Variants in PRIM2 observed in about 807,000 individuals in gnomAD.
PRIM2 encodes DNA primase large subunit.
A neutral mutation model predicts 67.3 loss-of-function variants in PRIM2; 39 were observed. The observed-to-expected ratio is 0.58, with a 90% CI of 0.45 to 0.76. The LOEUF (loss-of-function observed/expected upper bound fraction) is 0.76, where lower values mean the gene tolerates loss of function less well. PRIM2 is among the 30% of genes least tolerant of loss of function. The pLI is 0.00. For synonymous variants in PRIM2, 143 were observed against 198.7 expected (o/e 0.72, Z 2.36); for missense variants, 398 against 598.7 (o/e 0.66, Z 3.50).
chr6:57,518,026 G>A (rs1774522490), intron 8 of PRIM2, among the ~76,000 whole-genome samples: 2 of 152,056 alleles, frequency 1.3e-5, no homozygotes, highest in Admixed American at 6.6e-5. Flanking sequence ...TTTACTCAGA[G>A]TAAACACAAA....
chr6:57,633,890 A>G lies in PRIM2; in HGVS notation c.1299+1689A>G, dbSNP rs1457272813. ...CACCCACTGCTCACCTCCTGCTGTG[A>G]GGCCCAATTCCTAACGGGCCGTGGA... On this transcript the variant is annotated intron_variant, in intron 13 of 13. Transcript: ENST00000615550. Among the ~76,000 whole-genome samples, 4 of 152,330 alleles carry G rather than the reference A, an allele frequency of 2.6e-5. No individual in the cohort carries two copies. In the East Asian group the frequency reaches 7.7e-4, roughly 29 times the overall value.
chr6:57,592,606 C>T (rs1377478257), intron 10 of PRIM2, among the ~76,000 whole-genome samples: 9 of 151,982 alleles, frequency 5.9e-5, no homozygotes, highest in South Asian at 2.1e-4. Context: ...ACCAGCCTGG[C>T]CAACATGCAA....
Position 57,382,202 on chromosome 6 carries a change from G to C in PRIM2, c.693+34G>C, listed in dbSNP as rs762645396. 7 of 1,603,186 alleles carry C rather than the reference G, an allele frequency of 4.4e-6. No homozygotes were observed. The African/African-American group carries it at 8.0e-5, about 18-fold the overall frequency. Reference sequence around the variant, plus strand: ...TTTACTTGATTTCTGTATCTGACATGTTCACACTTTCAGTTATATACCCCT... The same window carrying C: ...TTTACTTGATTTCTGTATCTGACATCTTCACACTTTCAGTTATATACCCCT... On this transcript the variant is annotated intron_variant, in intron 7 of 13. Coordinates refer to ENST00000615550, the MANE Select transcript of PRIM2 (RefSeq NM_000947.5).
intron 7 of PRIM2, among the ~76,000 whole-genome samples, chr6:57,506,311 C>A (rs1554347233): frequency 4.0e-5 from 6 of 150,978 alleles, no homozygotes; most frequent in African/African-American, 1.2e-4. Flanking sequence ...AACTTTTTTT[C>A]AAAAATATAA....
At chr6:57,296,085 C>T in the PRIM2 span, among the ~76,000 whole-genome samples, 1 of 152,172 alleles carries the variant, frequency 6.6e-6, no homozygotes, top group Middle Eastern at 3.4e-3. Context: ...AACAAATGAA[C>T]CTAACCATAT....
the PRIM2 span, among the ~76,000 whole-genome samples, chr6:57,235,342 T>C: frequency 6.6e-6 from 1 of 151,904 alleles, no homozygotes; most frequent in Non-Finnish European, 1.5e-5. Context: ...CACATGCCTG[T>C]AATTCCAGCT....
chr6:57,383,880 C>G (rs966001776), intron 7 of PRIM2, among the ~76,000 whole-genome samples: 1 of 152,192 alleles, frequency 6.6e-6, no homozygotes, highest in East Asian at 1.9e-4. Flanking sequence ...GTGGAATTCT[C>G]TTTCTCTAGT....
intron 5 of PRIM2, among the ~76,000 whole-genome samples, chr6:57,375,878 G>C (rs9382715): frequency 6.6e-6 from 1 of 151,830 alleles, no homozygotes; most frequent in African/African-American, 2.4e-5. Flanking sequence ...TTGAGACTAG[G>C]CTGGGTAACA....
chr6:57,273,009 TG>T, the PRIM2 span, among the ~76,000 whole-genome samples: 3 of 152,262 alleles, frequency 2.0e-5, no homozygotes, highest in South Asian at 2.1e-4. Context: ...GTTTGTCTGA[TG>T]GGCTTCCCTT....
At chr6:57,314,853 T>C (rs1229399155), upstream of PRIM2, 5 of 152,234 alleles carry the variant, frequency 3.3e-5, no homozygotes, top group African/African-American at 1.2e-4. Flanking sequence ...TGTGCATTAT[T>C]GCTACCGTGA....
chr6:57,233,671 A>G, the PRIM2 span, among the ~76,000 whole-genome samples: 1 of 129,704 alleles, frequency 7.7e-6, no homozygotes, highest in African/African-American at 2.9e-5. Flanking sequence ...CCCTCCCTTG[A>G]CAGGGGCTCA....
upstream of PRIM2, among the ~76,000 whole-genome samples, chr6:57,311,325 A>G (rs1345013109): frequency 1.6e-4 from 16 of 100,950 alleles, no homozygotes; most frequent in East Asian, 7.2e-4. Flanking sequence ...CAGGGCAACC[A>G]GGCAGAGGCG....
chr6:57,481,785 T>C (rs1773635283), intron 7 of PRIM2, among the ~76,000 whole-genome samples: 1 of 152,252 alleles, frequency 6.6e-6, no homozygotes, highest in Admixed American at 6.5e-5. Flanking sequence ...TTATTTTTGC[T>C]CTTCTGATAG....
At chr6:57,594,306 T>C (rs1432427139) in intron 10 of PRIM2, among the ~76,000 whole-genome samples, 2 of 152,206 alleles carry the variant, frequency 1.3e-5, no homozygotes, top group African/African-American at 4.8e-5. Context: ...TTAAAAGAAA[T>C]CGGCAAGCCA....
At chr6:57,315,603 A>T (rs1264594574), upstream of PRIM2, among the ~76,000 whole-genome samples, 1 of 152,082 alleles carries the variant, frequency 6.6e-6, no homozygotes, top group Non-Finnish European at 1.5e-5. Flanking sequence ...TATTTTTTCT[A>T]TGAGTTACCT....
At chr6:57,515,126 C>G (rs1253395875) in intron 8 of PRIM2, among the ~76,000 whole-genome samples, 3 of 152,126 alleles carry the variant, frequency 2.0e-5, no homozygotes, top group Non-Finnish European at 4.4e-5. Context: ...AAAATTTTCA[C>G]TTAATATAAC....
chr6:57,559,497 C>T (rs1775587222), intron 10 of PRIM2, among the ~76,000 whole-genome samples: 1 of 152,178 alleles, frequency 6.6e-6, no homozygotes, highest in Non-Finnish European at 1.5e-5. Flanking sequence ...ACTGATTTCA[C>T]AATAAACATC....
the PRIM2 span, among the ~76,000 whole-genome samples, chr6:57,232,756 C>T: frequency 6.6e-6 from 1 of 152,160 alleles, no homozygotes; most frequent in African/African-American, 2.4e-5. Context: ...CTTGCTCTCT[C>T]CCTGTTCTTC....
chr6:57,397,676 A>G (rs1770564205), intron 7 of PRIM2, among the ~76,000 whole-genome samples: 1 of 150,848 alleles, frequency 6.6e-6, no homozygotes, highest in South Asian at 2.1e-4. Context: ...TGAATCAGGG[A>G]TTTCTTCTTG....
Sources: allele counts gnomAD v4.1 joint callset (sites outside exome capture counted in the v4.1 genomes callset), GRCh38; gene constraint gnomAD v4.1.1; transcripts MANE v1.5; gene names NCBI Gene and HGNC (gene_info 2026-07-23, HGNC 2026-07-21).